Variants in KASH5 observed in about 807,000 individuals in gnomAD.
KASH5 encodes the protein KASH domain containing 5.
A neutral mutation model predicts 84.2 loss-of-function variants in KASH5; 72 were observed. The observed-to-expected ratio is 0.85, with a 90% CI of 0.71 to 1.04. The LOEUF is 1.04. Ranked by LOEUF, KASH5 falls within the 50% of genes least tolerant of loss-of-function variation. The pLI, the probability that KASH5 is intolerant of heterozygous loss-of-function variation, is 0.00. For missense variants in KASH5, 650 were observed against 701.0 expected (o/e 0.93, Z 0.82); for synonymous variants, 260 against 279.1 (o/e 0.93, Z 0.68).
Position 49,395,053 on chromosome 19 carries a change from T to TA in KASH5, c.149-52dup, listed in dbSNP as rs1466605257. 1 of 1,436,934 alleles carries TA rather than the reference T, an allele frequency of 7.0e-7. No homozygotes were observed. Among genetic ancestry groups the TA allele is most frequent in the Non-Finnish European group, 9.4e-7 (1 of 1,066,976 alleles). 89.0% of individuals were successfully genotyped at this position (1,436,934 alleles called of 1,614,324 possible). On this transcript the variant is annotated intron_variant, in intron 3 of 19. Transcript: ENST00000447857. This position sits in a 1 kb window ranked among gnomAD's most constrained non-coding sequence, Gnocchi z 4.4. ...CTGGTCCCAAGCTGCTGCCAGTCCA[T>TA]ACCCATCACTCCCCACCTGCCCCAG...
In KASH5 at chr19:49,394,963, G is replaced by A; in HGVS notation, c.149-143G>A. ...AAAGTGGACTCAGAGGAGGGGAAAG[G>A]GCTTGCCCAGTGTGTCTCCACTGGG... On this transcript the variant is annotated intron_variant, in intron 3 of 19. Transcript: ENST00000447857. 7 of 639,604 alleles carry A rather than the reference G, an allele frequency of 1.1e-5. 1 individual carries two copies. In the South Asian group the frequency reaches 1.4e-4, roughly 13 times the overall value. 39.6% of individuals were successfully genotyped at this position (639,604 alleles called of 1,614,324 possible). A position where few individuals can be genotyped will look rare whatever the true frequency, so the allele number is the denominator to read the frequency against.
chr19:49,397,625 A>T, intron 5 of KASH5, 26 bp from the exon 6 acceptor site: 1 of 1,612,770 alleles, frequency 6.2e-7, no homozygotes, highest in Non-Finnish European at 8.5e-7. Flanking sequence ...AGGGAAGCCA[A>T]CATTCTCTTG....
Position 49,398,904 on chromosome 19 carries a change from C to T in KASH5, c.630-121C>T, listed in dbSNP as rs572846931. ...TCTCTGTCCTCCCCTCTCTCTGGGT[C>T]TCTGTCCCTGCCTACCACCTGGGAT... On this transcript the variant is annotated intron_variant, in intron 7 of 19. Coordinates refer to ENST00000447857, the MANE Select transcript of KASH5 (RefSeq NM_144688.5). 343 of 743,358 alleles carry T rather than the reference C, an allele frequency of 4.6e-4. 1 individual carries two copies. The highest frequency in any genetic ancestry group is 2.9e-3 in the South Asian group (167 of 57,506). The allele number at this position is 743,358 out of a possible 1,614,324, so 46.0% of individuals were successfully genotyped here. A position where few individuals can be genotyped will look rare whatever the true frequency, so the allele number is the denominator to read the frequency against.
chr19:49,397,517 GC>G, intron 5 of KASH5, 133 bp from the exon 6 acceptor site: 1 of 746,906 alleles, frequency 1.3e-6, no homozygotes. Context: ...TATAACTGCA[GC>G]CCCAAAAGCC....
At chr19:49,407,360 G>T in intron 11 of KASH5, 64 bp downstream of exon 11, 1 of 1,550,170 alleles carries the variant, frequency 6.5e-7, no homozygotes, top group Non-Finnish European at 8.9e-7. Context: ...CCTGCCCCTG[G>T]TCTAGAAAGG....
chr19:49,415,654 AC>A (rs1397926186), intron 17 of KASH5: 1 of 159,688 alleles, frequency 6.3e-6, no homozygotes, highest in African/African-American at 2.4e-5. Context: ...AGCTCCCAGC[AC>A]CCTGGCCCCG....
chr19:49,407,725 A>G (rs907600714), intron 12 of KASH5, 54 bp downstream of exon 12: 8 of 1,545,534 alleles, frequency 5.2e-6, no homozygotes, highest in Non-Finnish European at 5.3e-6. Flanking sequence ...CTCTTTTGCC[A>G]TCTCTGGGAC....
At chr19:49,411,918 GGGAAGGAAGGAAGGAAGGAAGGAAGGAA>G (rs56314106) in intron 15 of KASH5, among the ~76,000 whole-genome samples, 4 of 128,252 alleles carry the variant, frequency 3.1e-5, no homozygotes, top group South Asian at 2.8e-4. Context: ...GAGGGAAGGA[GGGAAGGAAGGAAGGAAGGAAGGAAGGAA>G]GGAAGGAAGG....
At position 49,412,961 on chromosome 19, in the gene KASH5, T is replaced by C. The variant is rs746447083; in HGVS notation, c.1270-7T>C. On this transcript the variant is annotated splice_polypyrimidine_tract_variant and splice_region_variant and intron_variant, in intron 15 of 19. Transcript: ENST00000447857. This position sits in a 1 kb window ranked among gnomAD's most constrained non-coding sequence, Gnocchi z 4.6. ...TCAGAGAAGAACTAACCTTTTTGTT[T>C]CCACAGAGAAACTTCCAGGGAGAGC... The C allele has an allele frequency of 2.5e-6, 4 of 1,613,624 alleles. No individual in the cohort carries two copies. The South Asian group carries it at 3.3e-5, about 13-fold the overall frequency.
At chr19:49,397,865 TCTC>T in intron 6 of KASH5, 114 bp from the exon 7 acceptor site, 1 of 1,440,050 alleles carries the variant, frequency 6.9e-7, no homozygotes, top group Non-Finnish European at 9.5e-7. Context: ...GAGGAGTCTC[TCTC>T]CTGTTTATCT....
At chr19:49,402,872 A>C (rs1974405618) in intron 9 of KASH5, among the ~76,000 whole-genome samples, 1 of 151,836 alleles carries the variant, frequency 6.6e-6, no homozygotes, top group Non-Finnish European at 1.5e-5. Context: ...GATGACTTCA[A>C]TCTACACGAC....
chr19:49,415,166 G>A (rs1011434131), intron 17 of KASH5, 170 bp downstream of exon 17: 47 of 710,796 alleles, frequency 6.6e-5, no homozygotes, highest in African/African-American at 4.8e-4. Context: ...TAATGAGAGC[G>A]ATGGTGAGGT....
At chr19:49,396,242 ACTTTTTTT>A (rs1974174309) in intron 5 of KASH5, among the ~76,000 whole-genome samples, 2 of 122,904 alleles carry the variant, frequency 1.6e-5, no homozygotes, top group Admixed American at 8.4e-5. Context: ...ACCCTGCTGG[ACTTTTTTT>A]TTTTTTTTTT....
chr19:49,399,211 T>C lies in KASH5; in HGVS notation c.747+69T>C. The C allele has an allele frequency of 1.5e-6, 2 of 1,354,936 alleles. No homozygotes were observed. Among genetic ancestry groups the C allele is most frequent in the Non-Finnish European group, 2.0e-6 (2 of 988,564 alleles). 83.9% of individuals were successfully genotyped at this position (1,354,936 alleles called of 1,614,324 possible). A position where few individuals can be genotyped will look rare whatever the true frequency, so the allele number is the denominator to read the frequency against. On this transcript the variant is annotated intron_variant, in intron 8 of 19. Coordinates refer to ENST00000447857, the MANE Select transcript of KASH5 (RefSeq NM_144688.5). This position sits in a 1 kb window ranked among gnomAD's most constrained non-coding sequence, Gnocchi z 4.4. The stretch of plus-strand genomic sequence containing the variant: ...GTTTCCTGGAGTCAGGGCGGCAGAG[T>C]GTGACTATGGAGTAGGAAGGGGCAG...
At chr19:49,410,396 C>T (rs1974671659) in intron 15 of KASH5, among the ~76,000 whole-genome samples, 1 of 151,810 alleles carries the variant, frequency 6.6e-6, no homozygotes, top group Non-Finnish European at 1.5e-5. Flanking sequence ...GTGAACTTGA[C>T]TCACTGCAGC....
intron 9 of KASH5, among the ~76,000 whole-genome samples, chr19:49,403,494 C>T (rs1028161763): frequency 5.9e-5 from 9 of 152,302 alleles, no homozygotes; most frequent in South Asian, 2.1e-4. Context: ...GCTGACATAA[C>T]GCCCCCAGCT....
rs1262318716 is a variant in KASH5, at chr19:49,416,887, C to T, written c.1375-128C>T. The T allele has an allele frequency of 1.1e-6, 1 of 904,774 alleles. No homozygotes were observed. Among genetic ancestry groups the T allele is most frequent in the Non-Finnish European group, 1.7e-6 (1 of 574,790 alleles). The allele number at this position is 904,774 out of a possible 1,614,324, so 56.0% of individuals were successfully genotyped here. The stretch of plus-strand genomic sequence containing the variant: ...CAGAAATGGGAACCCGACCTGGCAG[C>T]AGAAGTGCACTCACTTATCTCCTGA... On this transcript the variant is annotated intron_variant, in intron 17 of 19. Coordinates refer to ENST00000447857, the MANE Select transcript of KASH5 (RefSeq NM_144688.5). This position sits in a 1 kb window ranked among gnomAD's most constrained non-coding sequence, Gnocchi z 5.4.
chr19:49,389,107 G>T (rs1368602407), intron 1 of KASH5, among the ~76,000 whole-genome samples: 1 of 78,470 alleles, frequency 1.3e-5, no homozygotes, highest in East Asian at 3.8e-4. Flanking sequence ...AATCCAGCCA[G>T]AGACCCCCAG....
At position 49,394,467 on chromosome 19, in the gene KASH5, T is replaced by C; in HGVS notation, c.44-9T>C. ...CCCACTGGTGAGCTGAGCCCTCTTGTCTCCCCAGTGTACCTCCGGGAGCGG... is the reference window on the plus strand; with the variant it reads ...CCCACTGGTGAGCTGAGCCCTCTTGCCTCCCCAGTGTACCTCCGGGAGCGG... On this transcript the variant is annotated splice_polypyrimidine_tract_variant and intron_variant, in intron 2 of 19. Coordinates refer to ENST00000447857, the MANE Select transcript of KASH5 (RefSeq NM_144688.5). 2 of 1,610,242 alleles carry C rather than the reference T, an allele frequency of 1.2e-6. No homozygotes were observed. The highest frequency in any genetic ancestry group is 2.2e-5 in the South Asian group (2 of 91,014).
Sources: allele counts gnomAD v4.1 joint callset (sites outside exome capture counted in the v4.1 genomes callset), GRCh38; gene constraint gnomAD v4.1.1; non-coding constraint Gnocchi (gnomAD v3.1); transcripts MANE v1.5; gene names NCBI Gene and HGNC (gene_info 2026-07-23, HGNC 2026-07-21).